MXRA7: variants seen among roughly 807,000 people sequenced by gnomAD.
The protein encoded by MXRA7 is matrix-remodeling-associated protein 7.
A neutral mutation model predicts 17.4 loss-of-function variants in MXRA7; 18 were observed. The ratio of observed to expected loss-of-function variants is 1.03; its 90% CI spans 0.71 to 1.53. The LOEUF (loss-of-function observed/expected upper bound fraction) is 1.53. MXRA7 is among the 40% of genes most tolerant of loss of function. The pLI is 0.00. For missense variants in MXRA7, 141 were observed against 209.3 expected (o/e 0.67, Z 2.01); for synonymous variants, 70 against 101.7 (o/e 0.69, Z 1.87).
At chr17:76,693,464 G>A (rs1264650975) in intron 1 of MXRA7, among the ~76,000 whole-genome samples, 1 of 116,152 alleles carries the variant, frequency 8.6e-6, no homozygotes, top group African/African-American at 3.1e-5. Context: ...ATTTTTTTTT[G>A]AGATCTGTCT....
chr17:76,688,803 G>A, intron 1 of MXRA7: 1 of 636,150 alleles, frequency 1.6e-6, no homozygotes, highest in South Asian at 8.4e-5. Context: ...GACGTGCCGT[G>A]CCCATGGGCT....
At chr17:76,696,664 G>A (rs1477807034) in intron 1 of MXRA7, among the ~76,000 whole-genome samples, 4 of 152,308 alleles carry the variant, frequency 2.6e-5, no homozygotes, top group South Asian at 4.1e-4. Flanking sequence ...AGAGGCAGGA[G>A]GAACTATGAG....
intron 1 of MXRA7, chr17:76,689,235 G>GC (rs1432727053): frequency 3.3e-5 from 5 of 152,186 alleles, no homozygotes; most frequent in African/African-American, 1.2e-4. Context: ...GATTACGGGC[G>GC]CCCGCCACCC....
At chr17:76,688,211 C>A (rs774913753) in intron 1 of MXRA7, 35 bp from the exon 2 acceptor site, 1 of 1,613,400 alleles carries the variant, frequency 6.2e-7, no homozygotes, top group Non-Finnish European at 8.5e-7. Context: ...GCCCTTGGCA[C>A]AGACTGGGTG....
At position 76,710,868 on chromosome 17, in the gene MXRA7, C is replaced by G. The variant is rs1014015674; in HGVS notation, c.79G>C (p.Val27Leu). The change falls in exon 1 of 4, where the codon GTG becomes CTG. Residue 27 changes from valine (V) to leucine (L), a missense_variant. By Grantham distance (32) the Val-to-Leu change is conservative (BLOSUM62 1). Coordinates refer to ENST00000449428, the MANE Select transcript of MXRA7 (RefSeq NM_198530.4). ...ALALLLAWLL[V>L]RRGAAASPEP... Reference sequence around the variant, plus strand: ...GGGCTCGCGGCCGCCCCACGCCGCACCAGTAGCCAGGCGAGCAGAAGGGCC... The same window carrying G: ...GGGCTCGCGGCCGCCCCACGCCGCAGCAGTAGCCAGGCGAGCAGAAGGGCC... 1.0e-6 allele frequency: 1 copy of G among 987,676 alleles called. No homozygotes were observed. Among genetic ancestry groups the G allele is most frequent in the Non-Finnish European group, 1.2e-6 (1 of 833,116 alleles). 61.2% of individuals were successfully genotyped at this position (987,676 alleles called of 1,614,324 possible).
chr17:76,705,319 C>G (rs559906164), intron 1 of MXRA7, among the ~76,000 whole-genome samples: 2 of 152,292 alleles, frequency 1.3e-5, no homozygotes, highest in South Asian at 2.1e-4. Context: ...AACTACTGAA[C>G]AGGGAACTCT....
chr17:76,707,715 A>G (rs928134328), intron 1 of MXRA7, among the ~76,000 whole-genome samples: 2 of 152,134 alleles, frequency 1.3e-5, no homozygotes, highest in African/African-American at 4.8e-5. Flanking sequence ...CGCTTTGCCA[A>G]TTACCAATGT....
intron 1 of MXRA7, among the ~76,000 whole-genome samples, chr17:76,693,491 AAAGAAAAAG>A (rs1201775800): frequency 6.6e-6 from 1 of 151,286 alleles, no homozygotes; most frequent in Non-Finnish European, 1.5e-5. Context: ...AAAAAAAAAA[AAAGAAAAAG>A]AAATTAAAGA....
At chr17:76,688,836 G>A in intron 1 of MXRA7, 1 of 454,166 alleles carries the variant, frequency 2.2e-6, no homozygotes, top group Non-Finnish European at 3.6e-6. Context: ...AGGTCATGGG[G>A]AGGGGACATG....
intron 3 of MXRA7, chr17:76,683,754 G>A: frequency 1.2e-6 from 1 of 827,824 alleles, no homozygotes; most frequent in South Asian, 1.4e-5. Flanking sequence ...AGGCGATGGA[G>A]GAGGGGAGGT....
intron 1 of MXRA7, among the ~76,000 whole-genome samples, chr17:76,697,105 C>T (rs1457267730): frequency 6.6e-6 from 1 of 152,140 alleles, no homozygotes; most frequent in African/African-American, 2.4e-5. Flanking sequence ...TACCTCTCAG[C>T]CTGACTCTAT....
At chr17:76,685,364 GA>G (rs2076378860) in intron 2 of MXRA7, among the ~76,000 whole-genome samples, 199 bp from the exon 3 acceptor site, 1 of 152,196 alleles carries the variant, frequency 6.6e-6, no homozygotes, top group South Asian at 2.1e-4. Flanking sequence ...CAGCCAGAGA[GA>G]AAGCAGTCCT....
chr17:76,699,055 C>G (rs895586733), intron 1 of MXRA7, among the ~76,000 whole-genome samples: 1 of 151,860 alleles, frequency 6.6e-6, no homozygotes, highest in African/African-American at 2.4e-5. Flanking sequence ...CTAGAGTCTC[C>G]CCTTCACTCC....
downstream of MXRA7, chr17:76,677,604 C>T (rs202238128): frequency 2.5e-5 from 41 of 1,611,284 alleles, no homozygotes; most frequent in Admixed American, 6.7e-5. Context: ...GTCGTAGAGC[C>T]GGAGCTGCTC....
At chr17:76,692,657 A>G (rs1282569726) in intron 1 of MXRA7, among the ~76,000 whole-genome samples, 1 of 146,888 alleles carries the variant, frequency 6.8e-6, no homozygotes, top group Non-Finnish European at 1.5e-5. Flanking sequence ...AAAATGGGCG[A>G]CCAAAGTCTT....
At position 76,700,376 on chromosome 17, in the gene MXRA7, C is replaced by T. The variant is rs564070307; in HGVS notation, c.342+10229G>A. ...AAACTTGGATGAACTGCTGGTATCC[C>T]GTCTCTGTCTGAACGCTTCTGGCAC... On this transcript the variant is annotated intron_variant, in intron 1 of 3. Coordinates refer to ENST00000449428, the MANE Select transcript of MXRA7 (RefSeq NM_198530.4). Among the ~76,000 whole-genome samples, 11 of 152,296 alleles carry T rather than the reference C, an allele frequency of 7.2e-5. 1 individual carries two copies. In the East Asian group the frequency reaches 1.9e-3, roughly 27 times the overall value.
chr17:76,677,843 A>G, downstream of MXRA7: 1 of 623,836 alleles, frequency 1.6e-6, no homozygotes. Context: ...AAGAAAATGA[A>G]AATAAAACCC....
intron 1 of MXRA7, among the ~76,000 whole-genome samples, chr17:76,707,595 C>T (rs147845752): frequency 2.0e-5 from 3 of 152,262 alleles, no homozygotes; most frequent in Non-Finnish European, 2.9e-5. Flanking sequence ...TGAGCCATCG[C>T]GCCCGGGCTC....
At position 76,683,912 on chromosome 17, in the gene MXRA7, A is replaced by G. The variant is rs2076348537; in HGVS notation, c.500+1160T>C. On this transcript the variant is annotated intron_variant, in intron 3 of 3. Coordinates refer to ENST00000449428, the MANE Select transcript of MXRA7 (RefSeq NM_198530.4). ...GAACTTGCTACAGGGAAGTGAGGTC[A>G]GAGGTCAGCTCAATCCTGAAATATA... is the stretch of plus-strand genomic sequence containing the variant. The G allele has an allele frequency of 2.5e-6, 4 of 1,613,922 alleles. No homozygotes were observed. In the South Asian group the frequency reaches 3.3e-5, roughly 13 times the overall value.
Sources: gnomAD v4.1 joint callset for allele counts (sites outside exome capture counted in the v4.1 genomes callset) on GRCh38, gnomAD v4.1.1 for gene constraint, MANE v1.5 for transcripts, NCBI Gene and HGNC (gene_info 2026-07-23, HGNC 2026-07-21) for gene names.